Variants in TECTB observed in about 807,000 individuals in gnomAD.
TECTB encodes beta-tectorin.
In TECTB, 45 loss-of-function variants were observed where a neutral mutation model predicts 43.3. That is an observed-to-expected ratio of 1.04 (90% CI 0.82 to 1.33). The LOEUF is 1.33. Ranked by LOEUF, TECTB falls within the 40% of genes most tolerant of loss-of-function variation. The probability of loss-of-function intolerance (pLI) is 0.00; values close to 1 mark genes in which losing one functional copy is unlikely to be tolerated. For missense variants in TECTB, 399 were observed against 404.7 expected, an observed-to-expected ratio of 0.99 and a Z score of 0.12; for synonymous variants, 169 against 156.7, an observed-to-expected ratio of 1.08 and a Z score of -0.59.
At chr10:112,299,151 A>G (rs1848574202) in intron 8 of TECTB, among the ~76,000 whole-genome samples, 1 of 152,212 alleles carries the variant, frequency 6.6e-6, no homozygotes, top group Non-Finnish European at 1.5e-5. Context: ...GCAAGTGTCC[A>G]CTTCTCTAAT....
At position 112,293,822 on chromosome 10, in the gene TECTB, G is replaced by A; in HGVS notation, c.568G>A (p.Ala190Thr). Reference protein sequence around the residue: ...IGSDLFAGVEAKGLSIRFKVV... With the variant: ...IGSDLFAGVETKGLSIRFKVV... The stretch of plus-strand genomic sequence containing the variant: ...TTCAGATCTGTTTGCAGGAGTGGAA[G>A]CCAAAGGGTTAAGCATTAGGTAAGT... The change falls in exon 6 of 11, where the codon GCC becomes ACC. Residue 190 changes from alanine to threonine, a missense_variant. Transcript: ENST00000646139. 1 of 1,614,156 alleles carries A rather than the reference G, an allele frequency of 6.2e-7. No homozygotes were observed. The highest frequency in any genetic ancestry group is 8.5e-7 in the Non-Finnish European group (1 of 1,180,012).
intron 2 of TECTB, among the ~76,000 whole-genome samples, 182 bp from the exon 3 acceptor site, chr10:112,284,353 G>C (rs1171405481): frequency 6.6e-6 from 1 of 152,152 alleles, no homozygotes; most frequent in Non-Finnish European, 1.5e-5. Flanking sequence ...AAAACTGTGA[G>C]AGTGACTCTT....
chr10:112,285,238 C>T (rs1006625548), intron 3 of TECTB, among the ~76,000 whole-genome samples: 2 of 152,146 alleles, frequency 1.3e-5, no homozygotes, highest in African/African-American at 4.8e-5. Context: ...ATATGACAGA[C>T]GAGAAGTCTG....
In TECTB at chr10:112,299,555, T is replaced by C; in HGVS notation, c.898T>C (p.Ser300Pro). The C allele has an allele frequency of 6.2e-7, 1 of 1,606,268 alleles. No homozygotes were observed. The highest frequency in any genetic ancestry group is 8.5e-7 in the Non-Finnish European group (1 of 1,178,186). ...QTGGVLVVEL[S>P]LRSRGFSSLY... Reference sequence around the variant, plus strand: ...CGGGGGAGTCCTGGTCGTGGAGCTCTCCCTGCGGAGTAAGCGTCTCTGTTT... The same window carrying C: ...CGGGGGAGTCCTGGTCGTGGAGCTCCCCCTGCGGAGTAAGCGTCTCTGTTT... The change falls in exon 9 of 11, where the codon TCC becomes CCC. Residue 300 changes from serine (S) to proline (P), a missense_variant. Transcript: ENST00000646139.
rs1210348594 is a variant in TECTB at position 112,303,323 on chromosome 10, G to C, written c.*11G>C. ...TGTGCCGTGTTATAGGAGTTAGCCA[G>C]GCAGCTGCCGCTCCTCCACCCACAA... On this transcript the variant is annotated 3_prime_UTR_variant, in exon 11 of 11. Transcript: ENST00000646139. 1 of 1,614,046 alleles carries C rather than the reference G, an allele frequency of 6.2e-7. No individual in the cohort carries two copies. The highest frequency in any genetic ancestry group is 1.3e-5 in the African/African-American group (1 of 74,908).
Position 112,302,350 on chromosome 10 carries a change from G to A in TECTB, c.940+217G>A, listed in dbSNP as rs558693075. On this transcript the variant is annotated intron_variant, in intron 10 of 10. Coordinates refer to ENST00000646139, the MANE Select transcript of TECTB (RefSeq NM_058222.3). ...GAGAGGGAGGAACCGAAGGTAAATC[G>A]GATGAAGCAGAACTGGACCTCACTT... is the stretch of plus-strand genomic sequence containing the variant. 272 of 513,256 alleles carry A rather than the reference G, an allele frequency of 5.3e-4. 2 individuals are homozygous for A. Among genetic ancestry groups the A allele is most frequent in the African/African-American group, 4.6e-3 (236 of 51,098 alleles). 31.8% of individuals were successfully genotyped at this position (513,256 alleles called of 1,614,324 possible). A position where few individuals can be genotyped will look rare whatever the true frequency, so the allele number is the denominator to read the frequency against.
rs910880924 is a variant in TECTB, at chr10:112,299,384, C to T, written c.835-108C>T. The T allele has an allele frequency of 4.8e-6, 5 of 1,049,530 alleles. No individual in the cohort carries two copies. In the Admixed American group the frequency reaches 6.5e-5, roughly 14 times the overall value. 65.0% of individuals were successfully genotyped at this position (1,049,530 alleles called of 1,614,324 possible). ...GTTGACTGGGGAATTGTGACTCCACCCCATTTGTGACCTTTTTAAAATATC... is the reference window on the plus strand; with the variant it reads ...GTTGACTGGGGAATTGTGACTCCACTCCATTTGTGACCTTTTTAAAATATC... On this transcript the variant is annotated intron_variant, in intron 8 of 10. Coordinates refer to ENST00000646139, the MANE Select transcript of TECTB (RefSeq NM_058222.3).
intron 9 of TECTB, 45 bp downstream of exon 9, chr10:112,299,609 C>T (rs372356805): frequency 3.4e-5 from 54 of 1,600,370 alleles, no homozygotes; most frequent in Non-Finnish European, 4.3e-5. Flanking sequence ...GTTGAGTTCA[C>T]GCTGGGCTGC....
intron 3 of TECTB, among the ~76,000 whole-genome samples, chr10:112,284,976 T>G (rs1848442215): frequency 6.6e-6 from 1 of 152,224 alleles, no homozygotes; most frequent in Admixed American, 6.5e-5. Context: ...TACCTTCTAG[T>G]AGAACAAAGT....
At chr10:112,297,567 A>C (rs1259362830) in intron 7 of TECTB, among the ~76,000 whole-genome samples, 1 of 152,186 alleles carries the variant, frequency 6.6e-6, no homozygotes, top group Non-Finnish European at 1.5e-5. Flanking sequence ...TACAAAAGTA[A>C]CTATGTAGAT....
In TECTB at chr10:112,294,229, T is replaced by C. The variant is rs72819639; in HGVS notation, c.671+168T>C. ...AGAACAAATACTAAGAAACAGGACA[T>C]AGTGCATTCTAGGGGCCAGATACTG... On this transcript the variant is annotated intron_variant, in intron 7 of 10. Transcript: ENST00000646139. Among the ~76,000 whole-genome samples the C allele has an allele frequency of 6.7e-3, 1,027 of 152,284 alleles. 8 individuals carry two copies. The highest frequency in any genetic ancestry group is 0.01 in the Non-Finnish European group (706 of 68,016).
intron 7 of TECTB, among the ~76,000 whole-genome samples, chr10:112,297,430 T>C (rs1362364164): frequency 7.2e-6 from 1 of 138,274 alleles, no homozygotes; most frequent in Non-Finnish European, 1.6e-5. Context: ...GAAGAATACA[T>C]AAAAATACAA....
At chr10:112,300,279 A>AAAGAAAGAAAGAAAGAAAGGAAAGAAAG (rs1361291056) in intron 9 of TECTB, among the ~76,000 whole-genome samples, 2 of 48,360 alleles carry the variant, frequency 4.1e-5, no homozygotes, top group African/African-American at 1.8e-4. Flanking sequence ...AGAAAGAAAG[A>AAAGAAAGAAAGAAAGAAAGGAAAGAAAG]AAAGAAAGAA....
At chr10:112,293,910 T>C in intron 6 of TECTB, 68 bp from the exon 7 acceptor site, 27 of 1,606,132 alleles carry the variant, frequency 1.7e-5, no homozygotes, top group Non-Finnish European at 2.3e-5. Flanking sequence ...ACATACTTTT[T>C]AATCATCAGA....
In TECTB at chr10:112,304,524, G is replaced by A. The variant is rs1848636992; in HGVS notation, c.*1212G>A. ...TAGAGAATTGGCTGGATTGTGATAG[G>A]AAAAGGCAGAGTTCTAAGTCCTTAG... On this transcript the variant is annotated 3_prime_UTR_variant, in exon 11 of 11. Transcript: ENST00000646139. 6.6e-6 allele frequency: 1 copy of A among 152,200 alleles called. No individual in the cohort carries two copies. Among genetic ancestry groups the A allele is most frequent in the South Asian group, 2.1e-4 (1 of 4,824 alleles). 9.4% of individuals were successfully genotyped at this position (152,200 alleles called of 1,614,324 possible). A position where few individuals can be genotyped will look rare whatever the true frequency, so the allele number is the denominator to read the frequency against.
At position 112,294,094 on chromosome 10, in the gene TECTB, G is replaced by C. The variant is rs748301419; in HGVS notation, c.671+33G>C. The C allele has an allele frequency of 1.6e-5, 25 of 1,590,272 alleles. 1 individual carries two copies. Among genetic ancestry groups the C allele is most frequent in the Middle Eastern group, 3.3e-4 (2 of 6,024 alleles). ...CACTATCTAGAGACAGGGCTGAACA[G>C]TGGAACCAGGCATTTATCGGGCTAC... is the stretch of plus-strand genomic sequence containing the variant. On this transcript the variant is annotated intron_variant, in intron 7 of 10. Transcript: ENST00000646139.
At chr10:112,293,628 T>G in intron 5 of TECTB, 110 bp from the exon 6 acceptor site, 1 of 900,186 alleles carries the variant, frequency 1.1e-6, no homozygotes, top group Non-Finnish European at 1.8e-6. Flanking sequence ...CACCTGCTTA[T>G]GTCTTTGGGT....
chr10:112,301,715 T>C (rs1926561), intron 9 of TECTB, among the ~76,000 whole-genome samples: 42,375 of 152,078 alleles, frequency 0.28, 6,718 homozygotes, highest in East Asian at 0.48. Context: ...CAGGGGAGGA[T>C]TGTGGTCAGG....
intron 9 of TECTB, among the ~76,000 whole-genome samples, chr10:112,301,552 A>G (rs1848612190): frequency 6.6e-6 from 1 of 152,124 alleles, no homozygotes; most frequent in South Asian, 2.1e-4. Flanking sequence ...CAGAGATGGG[A>G]TGGCCTGCAA....
Sources: gnomAD v4.1 joint callset for allele counts (sites outside exome capture counted in the v4.1 genomes callset) on GRCh38, gnomAD v4.1.1 for gene constraint, MANE v1.5 for transcripts, NCBI Gene and HGNC (gene_info 2026-07-23, HGNC 2026-07-21) for gene names.